Variants in DNAJC1 observed in about 807,000 individuals in gnomAD.
DNAJC1 encodes dnaJ homolog subfamily C member 1.
A neutral mutation model predicts 76.6 loss-of-function variants in DNAJC1; 58 were observed. That is an observed-to-expected ratio of 0.76 (90% CI 0.61 to 0.94). The LOEUF is 0.94. Among genes scored for constraint, DNAJC1 ranks in the 40% least tolerant of loss-of-function variants. DNAJC1 has a pLI of 0.00. For synonymous variants in DNAJC1, 258 were observed against 267.9 expected, an observed-to-expected ratio of 0.96 and a Z score of 0.36; for missense variants, 689 against 677.3, an observed-to-expected ratio of 1.02 and a Z score of -0.19.
intron 8 of DNAJC1, among the ~76,000 whole-genome samples, chr10:21,845,308 A>G (rs1299830901): frequency 1.3e-5 from 2 of 152,040 alleles, no homozygotes; most frequent in African/African-American, 4.8e-5. Context: ...AATAAATGGT[A>G]CACTAAAATT....
intron 6 of DNAJC1, among the ~76,000 whole-genome samples, chr10:21,918,375 G>GTTTT (rs11440840): frequency 7.2e-6 from 1 of 139,002 alleles, no homozygotes; most frequent in Non-Finnish European, 1.6e-5. Flanking sequence ...TTCATGTAAA[G>GTTTT]TTTTTTTTTT....
chr10:21,769,158 A>T (rs1443432833), intron 9 of DNAJC1, among the ~76,000 whole-genome samples: 1 of 152,160 alleles, frequency 6.6e-6, no homozygotes, highest in African/African-American at 2.4e-5. Context: ...CTACTCTGGT[A>T]TCTCATCCCA....
chr10:21,835,818 G>A (rs993025584), intron 8 of DNAJC1, among the ~76,000 whole-genome samples: 2 of 152,142 alleles, frequency 1.3e-5, no homozygotes, highest in African/African-American at 4.8e-5. Flanking sequence ...AAGAAATATG[G>A]GACCATGTGA....
At chr10:21,895,687 T>C (rs1168758144) in intron 7 of DNAJC1, among the ~76,000 whole-genome samples, 1 of 152,142 alleles carries the variant, frequency 6.6e-6, no homozygotes, top group Non-Finnish European at 1.5e-5. Context: ...GGAGATTTAA[T>C]ATGAATAGAA....
intron 1 of DNAJC1, among the ~76,000 whole-genome samples, chr10:21,944,691 A>G (rs1035080847): frequency 6.6e-6 from 1 of 152,112 alleles, no homozygotes; most frequent in African/African-American, 2.4e-5. Context: ...AATCGAGTGT[A>G]AAAAAATGTT....
At chr10:21,817,093 G>C (rs778474799) in intron 8 of DNAJC1, among the ~76,000 whole-genome samples, 1 of 143,384 alleles carries the variant, frequency 7.0e-6, no homozygotes. Context: ...CCGGGAGGTG[G>C]AGCTTGCAGT....
At chr10:21,819,899 C>T (rs1374373623) in intron 8 of DNAJC1, among the ~76,000 whole-genome samples, 1 of 152,216 alleles carries the variant, frequency 6.6e-6, no homozygotes, top group Non-Finnish European at 1.5e-5. Flanking sequence ...CACTGCACTC[C>T]AGCCTGGGCA....
At chr10:21,917,279 C>G (rs889358000) in intron 6 of DNAJC1, among the ~76,000 whole-genome samples, 1 of 151,998 alleles carries the variant, frequency 6.6e-6, no homozygotes, top group African/African-American at 2.4e-5. Flanking sequence ...AATTATAAAT[C>G]TAAGCCATAA....
chr10:21,815,848 C>T (rs564716956), intron 8 of DNAJC1, among the ~76,000 whole-genome samples: 31 of 151,620 alleles, frequency 2.0e-4, no homozygotes, highest in African/African-American at 7.3e-4. Flanking sequence ...CAGGTTCAAG[C>T]GATTCTCCTG....
chr10:21,844,667 C>A (rs571528695), intron 8 of DNAJC1, among the ~76,000 whole-genome samples: 2 of 152,046 alleles, frequency 1.3e-5, no homozygotes, highest in Admixed American at 6.5e-5. Flanking sequence ...CAATAGTCTA[C>A]CCCACCACCA....
rs143907139 is a variant in DNAJC1, at chr10:21,919,824, G to C, written c.635+8C>G. 1,178 of 1,583,258 alleles carry C rather than the reference G, an allele frequency of 7.4e-4. 5 individuals are homozygous for C. In the African/African-American group the frequency reaches 0.014, roughly 19 times the overall value. The stretch of plus-strand genomic sequence containing the variant: ...TTCAAATTATAAAGTATTTTTATAT[G>C]CTCTCACCTTTCATTTTTTTCTGAA... On this transcript the variant is annotated splice_region_variant and intron_variant, in intron 5 of 11. Coordinates refer to ENST00000376980, the MANE Select transcript of DNAJC1 (RefSeq NM_022365.4).
At chr10:21,850,206 T>C (rs187801548) in intron 8 of DNAJC1, among the ~76,000 whole-genome samples, 1 of 152,244 alleles carries the variant, frequency 6.6e-6, no homozygotes, top group Admixed American at 6.5e-5. Context: ...TCATCTGATA[T>C]GTAGAAAACT....
chr10:21,920,590 C>T (rs1837026368), intron 4 of DNAJC1: 2 of 402,978 alleles, frequency 5.0e-6, no homozygotes, highest in African/African-American at 4.1e-5. Flanking sequence ...TTATAACAAA[C>T]TTAAGTGCCA....
At chr10:21,817,303 G>A (rs1435812827) in intron 8 of DNAJC1, among the ~76,000 whole-genome samples, 1 of 151,398 alleles carries the variant, frequency 6.6e-6, no homozygotes, top group African/African-American at 2.4e-5. Flanking sequence ...AGCAGTTTTT[G>A]TAATAAAGTT....
At chr10:21,813,026 TACACACACACACACAC>T (rs149245778) in intron 8 of DNAJC1, among the ~76,000 whole-genome samples, 1 of 132,452 alleles carries the variant, frequency 7.5e-6, no homozygotes, top group Non-Finnish European at 1.6e-5. Flanking sequence ...TACACACACA[TACACACACACACACAC>T]ACACACACAC....
chr10:21,908,497 G>GGA (rs1047819011), intron 6 of DNAJC1, among the ~76,000 whole-genome samples: 2 of 148,662 alleles, frequency 1.3e-5, no homozygotes, highest in Non-Finnish European at 3.0e-5. Context: ...CATGGGGGGG[G>GGA]GGTGAATTCA....
At chr10:21,834,649 A>G (rs1835419796) in intron 8 of DNAJC1, among the ~76,000 whole-genome samples, 1 of 152,192 alleles carries the variant, frequency 6.6e-6, no homozygotes, top group Non-Finnish European at 1.5e-5. Flanking sequence ...AACGGACTTA[A>G]AAAACGGCAC....
chr10:21,761,689 C>T (rs531677962), intron 10 of DNAJC1, among the ~76,000 whole-genome samples: 6 of 152,128 alleles, frequency 3.9e-5, no homozygotes, highest in South Asian at 4.2e-4. Context: ...AGTGTGTGAA[C>T]GTCTAGAAAC....
At chr10:21,891,476 CAAAAAAAAA>C (rs369729722) in intron 7 of DNAJC1, among the ~76,000 whole-genome samples, 25 of 38,862 alleles carry the variant, frequency 6.4e-4, no homozygotes, top group African/African-American at 2.3e-3. Context: ...ACAAAGTAGA[CAAAAAAAAA>C]AAAAAAAAAA....
Sources: gnomAD v4.1 joint callset for allele counts (sites outside exome capture counted in the v4.1 genomes callset) on GRCh38, gnomAD v4.1.1 for gene constraint, MANE v1.5 for transcripts, NCBI Gene and HGNC (gene_info 2026-07-23, HGNC 2026-07-21) for gene names.